KCNH5: variants seen among roughly 807,000 people sequenced by gnomAD.
KCNH5 encodes the protein voltage-gated delayed rectifier potassium channel KCNH5.
A neutral mutation model predicts 96.1 loss-of-function variants in KCNH5; 46 were observed. The observed-to-expected ratio is 0.48, with a 90% CI of 0.38 to 0.61. The LOEUF is 0.61. Among genes scored for constraint, KCNH5 ranks in the 20% least tolerant of loss-of-function variants. The pLI is 0.00. For missense variants in KCNH5, 907 were observed against 1,225.8 expected (o/e 0.74, Z 3.88); for synonymous variants, 439 against 449.8 (o/e 0.98, Z 0.30).
chr14:62,743,330 G>A (rs886363565), intron 10 of KCNH5, among the ~76,000 whole-genome samples: 1 of 152,118 alleles, frequency 6.6e-6, no homozygotes, highest in Non-Finnish European at 1.5e-5. Context: ...GTGCAGCCAG[G>A]GTTGAAAACC....
Position 62,708,231 on chromosome 14 carries a change from G to T in KCNH5, c.2244C>A (p.Thr748=). 1.9e-6 allele frequency: 3 copies of T among 1,614,210 alleles called. No individual in the cohort carries two copies. Among genetic ancestry groups the T allele is most frequent in the Non-Finnish European group, 2.5e-6 (3 of 1,180,034 alleles). The change falls in exon 11 of 11, where the codon ACC becomes ACA. Residue 748 remains threonine, a synonymous_variant. Transcript: ENST00000322893. ...GTGACACAGTCACCACGCTGGTTCCGGTGATGGAGGCTCCATTCTGTAAGG... is the reference window on the plus strand; with the variant it reads ...GTGACACAGTCACCACGCTGGTTCCTGTGATGGAGGCTCCATTCTGTAAGG... ...SRSLQNGASI[T]GTSVVTVSQI...
At chr14:62,756,346 A>T (rs550798879) in intron 10 of KCNH5, among the ~76,000 whole-genome samples, 1 of 152,276 alleles carries the variant, frequency 6.6e-6, no homozygotes, top group Admixed American at 6.5e-5. Context: ...GATTGGAAGA[A>T]TCAATATTGT....
intron 7 of KCNH5, among the ~76,000 whole-genome samples, chr14:62,898,631 G>A (rs913183081): frequency 6.6e-6 from 1 of 151,964 alleles, no homozygotes; most frequent in African/African-American, 2.4e-5. Flanking sequence ...AAGAGTATAA[G>A]AACATTGGAA....
intron 10 of KCNH5, among the ~76,000 whole-genome samples, chr14:62,755,983 T>C (rs537268192): frequency 4.6e-5 from 7 of 151,836 alleles, no homozygotes; most frequent in African/African-American, 1.7e-4. Context: ...CCATATATTA[T>C]AGATCCACAG....
At chr14:62,947,736 C>CACAA (rs888253110) in intron 7 of KCNH5, among the ~76,000 whole-genome samples, 1 of 151,844 alleles carries the variant, frequency 6.6e-6, no homozygotes, top group African/African-American at 2.4e-5. Context: ...CACACACACA[C>CACAA]AAAAACCGAT....
intron 7 of KCNH5, chr14:62,949,843 T>A: frequency 1.0e-5 from 2 of 194,186 alleles, no homozygotes; most frequent in Non-Finnish European, 2.1e-5. Context: ...ACCAACAAAA[T>A]CTATGGAATG....
At chr14:62,917,219 G>A (rs577340526) in intron 7 of KCNH5, among the ~76,000 whole-genome samples, 5 of 152,164 alleles carry the variant, frequency 3.3e-5, no homozygotes, top group African/African-American at 1.2e-4. Flanking sequence ...CTTTTGTTCT[G>A]TGTTGAATTA....
chr14:62,765,875 C>A lies in KCNH5; in HGVS notation c.2019+13853G>T, dbSNP rs536631852. The stretch of plus-strand genomic sequence containing the variant: ...ATCAAGTCAAAAAGCTTCTGCACAG[C>A]AAAGGATACAATCGACAAAGTGAAG... On this transcript the variant is annotated intron_variant, in intron 10 of 10. Coordinates refer to ENST00000322893, the MANE Select transcript of KCNH5 (RefSeq NM_139318.5). 2.6e-5 allele frequency among the ~76,000 whole-genome samples: 4 copies of A among 152,042 alleles called. No homozygotes were observed. The East Asian group carries it at 7.8e-4, about 29-fold the overall frequency.
intron 9 of KCNH5, among the ~76,000 whole-genome samples, chr14:62,781,926 T>A (rs1886227437): frequency 6.6e-6 from 1 of 152,176 alleles, no homozygotes; most frequent in South Asian, 2.1e-4. Context: ...GTGATAAGTG[T>A]CCATGAAATC....
At chr14:62,798,637 A>T (rs570620437) in intron 9 of KCNH5, among the ~76,000 whole-genome samples, 2 of 152,316 alleles carry the variant, frequency 1.3e-5, no homozygotes, top group African/African-American at 4.8e-5. Flanking sequence ...CATGAACTGC[A>T]ATTATATTTC....
chr14:62,985,430 T>C (rs1384297296), intron 5 of KCNH5, among the ~76,000 whole-genome samples: 1 of 152,276 alleles, frequency 6.6e-6, no homozygotes, highest in East Asian at 1.9e-4. Context: ...GTTAAGAAAA[T>C]TACTCTGAAG....
intron 7 of KCNH5, among the ~76,000 whole-genome samples, chr14:62,919,533 G>A (rs1889340961): frequency 6.6e-6 from 1 of 151,908 alleles, no homozygotes; most frequent in South Asian, 2.1e-4. Flanking sequence ...TTACTAGCTG[G>A]GTGGCTTTCT....
chr14:62,952,813 A>C (rs17100566), intron 6 of KCNH5, among the ~76,000 whole-genome samples: 7,162 of 152,146 alleles, frequency 0.047, 573 homozygotes, highest in African/African-American at 0.16. Context: ...CACATCCCTC[A>C]TCTCTAGCAA....
chr14:62,996,520 C>T (rs768520151), intron 4 of KCNH5, among the ~76,000 whole-genome samples: 1 of 152,088 alleles, frequency 6.6e-6, no homozygotes, highest in African/African-American at 2.4e-5. Context: ...TGAGTTGTCT[C>T]GAGCTTTTTC....
At chr14:62,869,778 T>A (rs1888214543) in intron 7 of KCNH5, among the ~76,000 whole-genome samples, 2 of 152,148 alleles carry the variant, frequency 1.3e-5, no homozygotes, top group South Asian at 4.1e-4. Flanking sequence ...AACAGAGGCC[T>A]CAGAAATAAC....
intron 7 of KCNH5, among the ~76,000 whole-genome samples, chr14:62,909,200 T>C (rs969998694): frequency 1.1e-4 from 16 of 150,058 alleles, no homozygotes; most frequent in South Asian, 4.3e-4. Context: ...CGCCCGCCAC[T>C]ACGCCCGGCT....
intron 7 of KCNH5, among the ~76,000 whole-genome samples, chr14:62,850,401 G>A (rs1457127604): frequency 6.6e-6 from 1 of 152,168 alleles, no homozygotes; most frequent in Non-Finnish European, 1.5e-5. Context: ...ATGTTTAGAA[G>A]GTTCTGAAGA....
intron 6 of KCNH5, among the ~76,000 whole-genome samples, chr14:62,978,718 T>C (rs1890549524): frequency 6.6e-6 from 1 of 151,910 alleles, no homozygotes; most frequent in Admixed American, 6.6e-5. Flanking sequence ...AAGTATTACA[T>C]AGTTATAAAT....
Position 62,955,998 on chromosome 14 carries a change from G to C in KCNH5, c.943-5439C>G, listed in dbSNP as rs374392814. Reference sequence around the variant, plus strand: ...CAACCAACCACGCTGCAGCCTTCCTGTCCTTACCCCCAATCTCTCCTACAT... The same window carrying C: ...CAACCAACCACGCTGCAGCCTTCCTCTCCTTACCCCCAATCTCTCCTACAT... On this transcript the variant is annotated intron_variant, in intron 6 of 10. Transcript: ENST00000322893. Among the ~76,000 whole-genome samples the C allele has an allele frequency of 6.6e-5, 10 of 152,156 alleles. No homozygotes were observed. In the South Asian group the frequency reaches 2.1e-3, roughly 32 times the overall value.
Sources: gnomAD v4.1 joint callset for allele counts (sites outside exome capture counted in the v4.1 genomes callset) on GRCh38, gnomAD v4.1.1 for gene constraint, MANE v1.5 for transcripts, NCBI Gene and HGNC (gene_info 2026-07-23, HGNC 2026-07-21) for gene names.